The following CHL1 variants were observed in gnomAD, a reference collection of about 807,000 sequenced individuals.
The protein encoded by CHL1 is cell adhesion molecule L1 like.
Under a neutral mutation model 141.9 loss-of-function variants are expected in CHL1, and 96 were observed. The ratio of observed to expected loss-of-function variants is 0.68; its 90% CI spans 0.57 to 0.80. The LOEUF (loss-of-function observed/expected upper bound fraction) is 0.80, where lower values mean the gene tolerates loss of function less well. Ranked by LOEUF, CHL1 falls within the 30% of genes least tolerant of loss-of-function variation. The pLI, the probability that CHL1 is intolerant of heterozygous loss-of-function variation, is 0.00. For synonymous variants in CHL1, 613 were observed against 502.2 expected (o/e 1.22, Z -2.95); for missense variants, 1,820 against 1,457.2 (o/e 1.25, Z -4.05).
chr3:278,612 CT>C (rs1418815979), intron 2 of CHL1, among the ~76,000 whole-genome samples: 5 of 152,112 alleles, frequency 3.3e-5, no homozygotes, highest in Non-Finnish European at 7.3e-5. Context: ...GTTTGATGCG[CT>C]GCTTTTTTTT....
intron 5 of CHL1, among the ~76,000 whole-genome samples, chr3:337,119 C>T (rs1307267233): frequency 6.6e-6 from 1 of 151,180 alleles, no homozygotes; most frequent in African/African-American, 2.4e-5. Context: ...TTAATAGTGG[C>T]ATTAGATAGA....
chr3:313,163 G>T (rs1699891238), intron 2 of CHL1, among the ~76,000 whole-genome samples: 1 of 152,066 alleles, frequency 6.6e-6, no homozygotes, highest in Non-Finnish European at 1.5e-5. Context: ...TGTAGTTGCT[G>T]CCATAGAAAT....
chr3:374,680 C>T (rs533171803), intron 15 of CHL1, among the ~76,000 whole-genome samples: 5 of 152,290 alleles, frequency 3.3e-5, no homozygotes, highest in African/African-American at 1.2e-4. Context: ...ATAACCTTAG[C>T]TCAGAAGAGG....
At chr3:313,805 G>T (rs923085838) in intron 2 of CHL1, among the ~76,000 whole-genome samples, 5 of 152,068 alleles carry the variant, frequency 3.3e-5, no homozygotes, top group African/African-American at 1.2e-4. Context: ...GTGAATTAAG[G>T]ATCAAAGCAT....
At chr3:380,461 A>T (rs1706896111) in intron 16 of CHL1, among the ~76,000 whole-genome samples, 1 of 152,140 alleles carries the variant, frequency 6.6e-6, no homozygotes, top group South Asian at 2.1e-4. Context: ...GAGAATTCAA[A>T]CCCAATTTTC....
At chr3:305,645 A>G (rs951504393) in intron 2 of CHL1, among the ~76,000 whole-genome samples, 1 of 151,382 alleles carries the variant, frequency 6.6e-6, no homozygotes, top group African/African-American at 2.4e-5. Context: ...AATAATAGAT[A>G]TATCATTTAT....
intron 15 of CHL1, among the ~76,000 whole-genome samples, chr3:368,600 G>A (rs1025850500): frequency 6.6e-6 from 1 of 152,122 alleles, no homozygotes; most frequent in Non-Finnish European, 1.5e-5. Context: ...AGTTTGATTA[G>A]ATCCCATTTG....
Position 326,590 on chromosome 3 carries a change from A to C in CHL1, c.197+526A>C, listed in dbSNP as rs138498424. Among the ~76,000 whole-genome samples, 1,216 of 151,910 alleles carry C rather than the reference A, an allele frequency of 8.0e-3. 18 individuals are homozygous for C. The highest frequency in any genetic ancestry group is 0.028 in the African/African-American group (1,165 of 41,484). On this transcript the variant is annotated intron_variant, in intron 4 of 27. Coordinates refer to ENST00000256509, the MANE Select transcript of CHL1 (RefSeq NM_006614.4). ...CTACTATCTAGTATTATTTTATTTT[A>C]GAATTAAATAATTGTTATTCTAGGT...
At chr3:225,293 C>T (rs555731614) in intron 1 of CHL1, among the ~76,000 whole-genome samples, 3 of 152,156 alleles carry the variant, frequency 2.0e-5, no homozygotes, top group Non-Finnish European at 2.9e-5. Flanking sequence ...GATCTCCACC[C>T]TCAGAGAGTG....
intron 1 of CHL1, among the ~76,000 whole-genome samples, chr3:222,527 T>C (rs1013688938): frequency 6.6e-6 from 1 of 152,158 alleles, no homozygotes; most frequent in Non-Finnish European, 1.5e-5. Context: ...ATGGGAAATA[T>C]AGGTAATTCC....
chr3:390,280 G>C (rs1708113551), intron 20 of CHL1, among the ~76,000 whole-genome samples: 1 of 152,190 alleles, frequency 6.6e-6, no homozygotes, highest in South Asian at 2.1e-4. Context: ...TCTTCACAGG[G>C]TTGTATGAAC....
chr3:276,623 C>T (rs1574935184), intron 2 of CHL1, among the ~76,000 whole-genome samples: 2 of 151,792 alleles, frequency 1.3e-5, no homozygotes, highest in African/African-American at 4.8e-5. Flanking sequence ...GGCACGGTGG[C>T]TCACACCTGT....
chr3:239,477 T>C (rs1382830016), intron 1 of CHL1, among the ~76,000 whole-genome samples: 1 of 151,978 alleles, frequency 6.6e-6, no homozygotes, highest in Non-Finnish European at 1.5e-5. Context: ...TCCTGCTCCA[T>C]GAAGCTATGA....
At chr3:205,248 C>T (rs7618545) in intron 1 of CHL1, among the ~76,000 whole-genome samples, 16,387 of 151,828 alleles carry the variant, frequency 0.11, 1,066 homozygotes, top group African/African-American at 0.18. Context: ...AGTGCTGGGA[C>T]TACAGACGGG....
chr3:240,049 A>T (rs534601370), intron 1 of CHL1, among the ~76,000 whole-genome samples: 195 of 152,326 alleles, frequency 1.3e-3, no homozygotes, highest in African/African-American at 4.2e-3. Flanking sequence ...GTGCTGCTAT[A>T]AACATGCATG....
rs1451655761 is a variant in CHL1 at position 322,664 on chromosome 3, A to AAT, written c.91+2797_91+2798insAT. Among the ~76,000 whole-genome samples the AAT allele has an allele frequency of 3.8e-4, 49 of 128,512 alleles. No individual in the cohort carries two copies. The South Asian group carries it at 7.7e-3, about 20-fold the overall frequency. 84.3% of individuals were successfully genotyped at this position (128,512 alleles called of 152,430 possible). A position where few individuals can be genotyped will look rare whatever the true frequency, so the allele number is the denominator to read the frequency against. ...ATATAAAATATATATATATATATAT[A>AAT]TATATAATTATATATATATATATAA... On this transcript the variant is annotated intron_variant, in intron 3 of 27. Transcript: ENST00000256509.
intron 10 of CHL1, among the ~76,000 whole-genome samples, chr3:352,578 G>A (rs1703361256): frequency 6.6e-6 from 1 of 152,100 alleles, no homozygotes; most frequent in African/African-American, 2.4e-5. Context: ...GGGTTTCTAT[G>A]AGGATGGTAT....
At chr3:358,877 C>T (rs1273867673) in intron 11 of CHL1, among the ~76,000 whole-genome samples, 1 of 150,922 alleles carries the variant, frequency 6.6e-6, no homozygotes, top group African/African-American at 2.4e-5. Context: ...CTTGTAATGT[C>T]CTTTAAACTA....
rs116246447 is a variant in CHL1, at chr3:389,168, C to G, written c.2248-84C>G. On this transcript the variant is annotated intron_variant, in intron 19 of 27. Transcript: ENST00000256509. ...AAATGACCATTTCATTACATTGTTC[C>G]TTATTCCACTTAGGGTGGTTCACCA... 2.3e-3 allele frequency: 2,323 copies of G among 1,023,646 alleles called. 38 individuals are homozygous for G. The African/African-American group carries it at 0.03, about 13-fold the overall frequency. 63.4% of individuals were successfully genotyped at this position (1,023,646 alleles called of 1,614,324 possible). A position where few individuals can be genotyped will look rare whatever the true frequency, so the allele number is the denominator to read the frequency against.
Sources: gnomAD v4.1 joint callset for allele counts (sites outside exome capture counted in the v4.1 genomes callset) on GRCh38, gnomAD v4.1.1 for gene constraint, MANE v1.5 for transcripts, NCBI Gene and HGNC (gene_info 2026-07-23, HGNC 2026-07-21) for gene names.